The following POPDC2 variants were observed in gnomAD, a reference collection of about 807,000 sequenced individuals.
The protein encoded by POPDC2 is popeye domain cAMP effector 2, also known as popeye domain-containing protein 2.
A neutral mutation model predicts 30.5 loss-of-function variants in POPDC2; 24 were observed. The observed-to-expected ratio is 0.79, with a 90% CI of 0.57 to 1.11. The LOEUF is 1.11. POPDC2 is among the 50% of genes least tolerant of loss of function. POPDC2 has a pLI of 0.00. For synonymous variants in POPDC2, 185 were observed against 183.3 expected (o/e 1.01, Z -0.07); for missense variants, 409 against 447.0 (o/e 0.91, Z 0.77).
chr3:119,648,196 A>T lies in POPDC2; in HGVS notation c.1073T>A (p.Met358Lys). Residue 358 changes from methionine to lysine, a missense_variant, in exon 3 of 4, where the codon ATG (methionine) becomes AAG (lysine). Coordinates refer to ENST00000493094, the MANE Select transcript of POPDC2 (RefSeq NM_001369919.2). ...FEEVSGSESFMDYRSDGEYMR is the reference protein window; with the variant it reads ...FEEVSGSESFKDYRSDGEYMR The stretch of plus-strand genomic sequence containing the variant: ...GTACTCCCCATCACTCCTATAATCC[A>T]TAAACGATTCTGATCCTGACACCTC... 6.4e-7 allele frequency: 1 copy of T among 1,562,552 alleles called. No individual in the cohort carries two copies. The highest frequency in any genetic ancestry group is 1.4e-5 in the African/African-American group (1 of 73,800).
intron 1 of POPDC2, among the ~76,000 whole-genome samples, chr3:119,655,778 G>A (rs1450588157): frequency 5.9e-5 from 9 of 152,284 alleles, no homozygotes; most frequent in Admixed American, 2.0e-4. Flanking sequence ...ATCAAGTGGC[G>A]GAACTAAAAT....
chr3:119,643,476 A>C, intron 3 of POPDC2: 1 of 1,361,224 alleles, frequency 7.3e-7, no homozygotes, highest in East Asian at 2.5e-5. Context: ...AAAGAAAGAG[A>C]GAGAGACTGC....
intron 1 of POPDC2, among the ~76,000 whole-genome samples, chr3:119,659,349 C>A (rs993254542): frequency 8.5e-5 from 13 of 152,234 alleles, no homozygotes; most frequent in Middle Eastern, 3.4e-3. Flanking sequence ...GAAAGGTGGG[C>A]AAGGGGTATT....
chr3:119,644,885 G>C (rs1362584925), intron 3 of POPDC2, among the ~76,000 whole-genome samples: 2 of 152,212 alleles, frequency 1.3e-5, no homozygotes, highest in Non-Finnish European at 2.9e-5. Context: ...TAGCAAGTTT[G>C]ATGGTAAATA....
chr3:119,654,458 T>G, intron 2 of POPDC2, 47 bp downstream of exon 2: 1 of 1,276,696 alleles, frequency 7.8e-7, no homozygotes, highest in Non-Finnish European at 1.1e-6. Flanking sequence ...ATTGCTGGGC[T>G]ACAGTGGGAT....
At chr3:119,660,654 C>CT (rs1560100568), upstream of POPDC2, 3 of 173,354 alleles carry the variant, frequency 1.7e-5, no homozygotes, top group Non-Finnish European at 3.1e-5. Flanking sequence ...CTCTCCCCCT[C>CT]TCCCCCCCTC....
chr3:119,647,209 G>A (rs1577167412), intron 3 of POPDC2, among the ~76,000 whole-genome samples: 1 of 152,254 alleles, frequency 6.6e-6, no homozygotes, highest in East Asian at 1.9e-4. Context: ...ATTTATTGGT[G>A]CTTTCTGAAG....
intron 1 of POPDC2, 30 bp from the exon 2 acceptor site, chr3:119,654,643 G>A (rs767314859): frequency 6.4e-7 from 1 of 1,571,752 alleles, no homozygotes; most frequent in South Asian, 1.1e-5. Flanking sequence ...GATCATGTGG[G>A]AAAAGGAAAA....
At chr3:119,659,190 TCAGCCTTCTCCAAAAGAGGCGGTG>T (rs1262279691) in intron 1 of POPDC2, among the ~76,000 whole-genome samples, 1 of 152,236 alleles carries the variant, frequency 6.6e-6, no homozygotes, top group African/African-American at 2.4e-5. Flanking sequence ...TATCTGACTG[TCAGCCTTCTCCAAAAGAGGCGGTG>T]CTTCCACAAA....
Position 119,648,183 on chromosome 3 carries a change from A to G in POPDC2, c.1086T>C (p.Ser362=), listed in dbSNP as rs570858529. The G allele has an allele frequency of 6.5e-6, 10 of 1,542,206 alleles. No homozygotes were observed. Among genetic ancestry groups the G allele is most frequent in the Middle Eastern group, 1.7e-4 (1 of 5,938 alleles). The change falls in exon 3 of 4, where the codon AGT becomes AGC. Residue 362 remains serine (S), a synonymous_variant. Transcript: ENST00000493094. ...CCCTTCACCTCATGTACTCCCCATC[A>G]CTCCTATAATCCATAAACGATTCTG... The part of the protein sequence containing the change: ...SGSESFMDYR[S]DGEYMR
Position 119,650,107 on chromosome 3 carries a change from T to G in POPDC2, c.601-1439A>C, listed in dbSNP as rs2052792110. ...ATGGCCTGTACCTTAGATGTACTTA[T>G]GAACAATTCCCAAACAAGAAATCAG... On this transcript the variant is annotated intron_variant, in intron 2 of 3. Transcript: ENST00000493094. 2.0e-5 allele frequency among the ~76,000 whole-genome samples: 3 copies of G among 151,792 alleles called. No homozygotes were observed. The South Asian group carries it at 6.2e-4, about 31-fold the overall frequency.
At chr3:119,654,125 A>G (rs1231419324) in intron 2 of POPDC2, among the ~76,000 whole-genome samples, 3 of 152,158 alleles carry the variant, frequency 2.0e-5, no homozygotes, top group Non-Finnish European at 4.4e-5. Context: ...TGGTGTGTTT[A>G]GGGAAGTACT....
At chr3:119,647,439 G>T (rs1017965972) in intron 3 of POPDC2, among the ~76,000 whole-genome samples, 2 of 152,196 alleles carry the variant, frequency 1.3e-5, no homozygotes, top group Non-Finnish European at 2.9e-5. Context: ...GCACTGTTAG[G>T]CCCTCCAGGA....
intron 3 of POPDC2, among the ~76,000 whole-genome samples, chr3:119,644,622 A>C (rs1297056591): frequency 6.6e-6 from 1 of 152,292 alleles, no homozygotes; most frequent in East Asian, 1.9e-4. Flanking sequence ...AGTTGGTCTT[A>C]ATTTGGATTG....
At chr3:119,645,957 T>C (rs1249344161) in intron 3 of POPDC2, among the ~76,000 whole-genome samples, 1 of 152,176 alleles carries the variant, frequency 6.6e-6, no homozygotes, top group Non-Finnish European at 1.5e-5. Context: ...AAGTCACATA[T>C]TTGATTAGTA....
chr3:119,649,137 G>C (rs524043), intron 2 of POPDC2, among the ~76,000 whole-genome samples: 108,302 of 151,986 alleles, frequency 0.71, 38,777 homozygotes, highest in Middle Eastern at 0.78. Context: ...TTGGAAAGTT[G>C]AGTTTGAGAA....
chr3:119,648,513 G>A lies in POPDC2; in HGVS notation c.756C>T (p.Leu252=). 2 of 1,614,160 alleles carry A rather than the reference G, an allele frequency of 1.2e-6. No individual in the cohort carries two copies. Among genetic ancestry groups the A allele is most frequent in the Non-Finnish European group, 1.7e-6 (2 of 1,180,018 alleles). ...CAAAGCGCAGCCCAAACTTAGCAAA[G>A]AGCTTGTCATTGAGAGTGTAGAGCT... ...SEKLYTLNDK[L]FAKFGLRFDI... The change falls in exon 3 of 4, where the codon CTC becomes CTT. Residue 252 remains leucine, a synonymous_variant. Transcript: ENST00000493094.
intron 2 of POPDC2, among the ~76,000 whole-genome samples, chr3:119,651,761 G>C (rs528528028): frequency 6.6e-6 from 1 of 150,930 alleles, no homozygotes; most frequent in Non-Finnish European, 1.5e-5. Context: ...TCAGCCTCCC[G>C]AGTAGCTGGG....
chr3:119,652,839 G>A (rs369734486), intron 2 of POPDC2, among the ~76,000 whole-genome samples: 9 of 152,332 alleles, frequency 5.9e-5, no homozygotes, highest in African/African-American at 1.9e-4. Context: ...TCATCACAGA[G>A]CCAAGTGTCA....
Sources: allele counts gnomAD v4.1 joint callset (sites outside exome capture counted in the v4.1 genomes callset), GRCh38; gene constraint gnomAD v4.1.1; transcripts MANE v1.5; gene names NCBI Gene and HGNC (gene_info 2026-07-23, HGNC 2026-07-21).